CFAP206: variants seen among roughly 807,000 people sequenced by gnomAD.
The protein encoded by CFAP206 is cilia and flagella associated protein 206.
A neutral mutation model predicts 65.4 loss-of-function variants in CFAP206; 53 were observed. The ratio of observed to expected loss-of-function variants is 0.81; its 90% CI spans 0.65 to 1.02. CFAP206 has a LOEUF of 1.02. Ranked by LOEUF, CFAP206 falls within the 50% of genes least tolerant of loss-of-function variation. The pLI, the probability that CFAP206 is intolerant of heterozygous loss-of-function variation, is 0.00. For missense variants in CFAP206, 663 were observed against 753.2 expected, an observed-to-expected ratio of 0.88 and a Z score of 1.40; for synonymous variants, 250 against 254.4, an observed-to-expected ratio of 0.98 and a Z score of 0.17.
rs1768429566 is a variant in CFAP206 at position 87,445,647 on chromosome 6, A to T, written c.1494+10594A>T. On this transcript the variant is annotated intron_variant, in intron 11 of 12. Transcript: ENST00000369562. ...TTGATTCCATGTCTTTGCTATTGTG[A>T]ATAGTGCTGCAGTGAACATACACAT... Among the ~76,000 whole-genome samples, 4 of 152,320 alleles carry T rather than the reference A, an allele frequency of 2.6e-5. No homozygotes were observed. The South Asian group carries it at 8.3e-4, about 32-fold the overall frequency.
rs181078946 is a variant in CFAP206 at position 87,427,790 on chromosome 6, T to C, written c.961-836T>C. ...CTTAATATTGTTATATTTTATTAGA[T>C]GATCAGTCAGGAAAACAAACAAAAA... On this transcript the variant is annotated intron_variant, in intron 8 of 12. Coordinates refer to ENST00000369562, the MANE Select transcript of CFAP206 (RefSeq NM_001031743.3). Among the ~76,000 whole-genome samples the C allele has an allele frequency of 9.7e-3, 1,479 of 152,198 alleles. 33 individuals are homozygous for C. The highest frequency in any genetic ancestry group is 0.034 in the African/African-American group (1,430 of 41,524).
chr6:87,427,430 C>A (rs141938980), intron 8 of CFAP206, among the ~76,000 whole-genome samples: 1 of 152,172 alleles, frequency 6.6e-6, no homozygotes, highest in Non-Finnish European at 1.5e-5. Flanking sequence ...TGAGCCACTG[C>A]GCCCAGCCTA....
chr6:87,443,202 A>AT (rs1236174331), intron 11 of CFAP206, among the ~76,000 whole-genome samples: 1 of 152,042 alleles, frequency 6.6e-6, no homozygotes, highest in African/African-American at 2.4e-5. Flanking sequence ...AATAAGTTGC[A>AT]TTTTTCTAGG....
chr6:87,408,977 A>G (rs1767677665), intron 1 of CFAP206, among the ~76,000 whole-genome samples: 1 of 152,238 alleles, frequency 6.6e-6, no homozygotes, highest in Non-Finnish European at 1.5e-5. Context: ...CAGGAAAATC[A>G]GAAAACTCGA....
intron 12 of CFAP206, among the ~76,000 whole-genome samples, chr6:87,463,778 CTG>C (rs959198080): frequency 3.3e-5 from 5 of 151,952 alleles, no homozygotes; most frequent in Admixed American, 2.6e-4. Flanking sequence ...AATTTTGAAT[CTG>C]TATGTTTTTT....
intron 11 of CFAP206, among the ~76,000 whole-genome samples, chr6:87,458,935 T>G (rs1451737347): frequency 6.6e-6 from 1 of 152,158 alleles, no homozygotes; most frequent in Non-Finnish European, 1.5e-5. Context: ...GATAATTATG[T>G]ACACCTACTG....
Position 87,408,002 on chromosome 6 carries a change from T to TC in CFAP206, c.-93_-92insC. The TC allele has an allele frequency of 1.0e-6, 1 of 985,500 alleles. No individual in the cohort carries two copies. Among genetic ancestry groups the TC allele is most frequent in the Non-Finnish European group, 1.2e-6 (1 of 830,104 alleles). The allele number at this position is 985,500 out of a possible 1,614,324, so 61.0% of individuals were successfully genotyped here. On this transcript the variant is annotated 5_prime_UTR_variant, in exon 1 of 13. It introduces an in-frame stop codon into an upstream open reading frame of the 5' UTR. Coordinates refer to ENST00000369562, the MANE Select transcript of CFAP206 (RefSeq NM_001031743.3). ...ATCTCCATGGTTACGCGGCGGTGGC[T>TC]GCGAGCGCCCAACTGCTCCGACCGT...
rs574026331 is a variant in CFAP206, at chr6:87,463,716, T to C, written c.1639-304T>C. The stretch of plus-strand genomic sequence containing the variant: ...TCCAAGTTATATGAATCTCAAAGTA[T>C]AATAATGAAGGAATTAGATTATATT... On this transcript the variant is annotated intron_variant, in intron 12 of 12. Transcript: ENST00000369562. Among the ~76,000 whole-genome samples, 3 of 152,304 alleles carry C rather than the reference T, an allele frequency of 2.0e-5. No individual in the cohort carries two copies. The South Asian group carries it at 6.2e-4, about 32-fold the overall frequency.
rs547591345 is a variant in CFAP206 at position 87,451,644 on chromosome 6, A to C, written c.1495-9378A>C. On this transcript the variant is annotated intron_variant, in intron 11 of 12. Coordinates refer to ENST00000369562, the MANE Select transcript of CFAP206 (RefSeq NM_001031743.3). ...GACTCTTTCTGCTTGAGGAAAGGAG[A>C]GGGATAGTAAAAACGGCTTTATCTT... is the stretch of plus-strand genomic sequence containing the variant. 2.0e-5 allele frequency among the ~76,000 whole-genome samples: 3 copies of C among 147,534 alleles called. No homozygotes were observed. The East Asian group carries it at 6.1e-4, about 30-fold the overall frequency.
At chr6:87,458,988 C>G (rs978508664) in intron 11 of CFAP206, among the ~76,000 whole-genome samples, 1 of 151,936 alleles carries the variant, frequency 6.6e-6, no homozygotes, top group East Asian at 1.9e-4. Flanking sequence ...TTAAGTTTAC[C>G]AAGTCAGTAG....
rs56842848 is a variant in CFAP206, at chr6:87,457,149, C to CAAAA, written c.1495-3859_1495-3856dup. 5.2e-5 allele frequency among the ~76,000 whole-genome samples: 6 copies of CAAAA among 115,914 alleles called. 1 individual carries two copies. The highest frequency in any genetic ancestry group is 9.5e-5 in the African/African-American group (3 of 31,510). 76.0% of individuals were successfully genotyped at this position (115,914 alleles called of 152,430 possible). A position where few individuals can be genotyped will look rare whatever the true frequency, so the allele number is the denominator to read the frequency against. On this transcript the variant is annotated intron_variant, in intron 11 of 12. Coordinates refer to ENST00000369562, the MANE Select transcript of CFAP206 (RefSeq NM_001031743.3). The stretch of plus-strand genomic sequence containing the variant: ...TGGGCGACAGAGTGAGACAACCTCT[C>CAAAA]AAAAAAAAAAAAAAAAAGAAAAGAA...
chr6:87,447,341 T>C (rs960446570), intron 11 of CFAP206, among the ~76,000 whole-genome samples: 2 of 152,294 alleles, frequency 1.3e-5, no homozygotes, highest in East Asian at 3.9e-4. Flanking sequence ...ATGGCTCTTA[T>C]TATTTTGAGG....
At chr6:87,449,267 T>C (rs377547833) in intron 11 of CFAP206, among the ~76,000 whole-genome samples, 1 of 151,896 alleles carries the variant, frequency 6.6e-6, no homozygotes, top group Non-Finnish European at 1.5e-5. Flanking sequence ...AAACCCCGTC[T>C]CTACTAAAAA....
At chr6:87,438,027 T>A (rs1562248893) in intron 11 of CFAP206, among the ~76,000 whole-genome samples, 1 of 151,850 alleles carries the variant, frequency 6.6e-6, no homozygotes, top group Non-Finnish European at 1.5e-5. Flanking sequence ...ACAGATACTC[T>A]CTAAAAGGAA....
At chr6:87,454,845 A>C (rs1189701857) in intron 11 of CFAP206, among the ~76,000 whole-genome samples, 32 of 64,750 alleles carry the variant, frequency 4.9e-4, no homozygotes, top group Non-Finnish European at 1.0e-3. Context: ...ACTCTGTCTC[A>C]AAAAAAAAAA....
chr6:87,422,170 C>T (rs978367543), intron 7 of CFAP206, among the ~76,000 whole-genome samples: 31 of 152,026 alleles, frequency 2.0e-4, no homozygotes, highest in African/African-American at 5.3e-4. Flanking sequence ...CTAGATGGGC[C>T]GGGCGTGGTG....
At chr6:87,420,387 C>G (rs902568079) in intron 7 of CFAP206, among the ~76,000 whole-genome samples, 1 of 152,222 alleles carries the variant, frequency 6.6e-6, no homozygotes, top group Non-Finnish European at 1.5e-5. Context: ...CATGAATCCA[C>G]CAACTAAGTC....
intron 11 of CFAP206, chr6:87,444,835 A>C (rs1464110645): frequency 3.6e-6 from 2 of 553,826 alleles, no homozygotes; most frequent in African/African-American, 3.8e-5. Context: ...CAATTTACAG[A>C]CAAGGGGCAA....
chr6:87,444,788 G>T, intron 11 of CFAP206: 1 of 527,438 alleles, frequency 1.9e-6, no homozygotes, highest in South Asian at 1.5e-5. Context: ...GCCCTAGGTT[G>T]AACTTCTTTC....
Sources: allele counts gnomAD v4.1 joint callset (sites outside exome capture counted in the v4.1 genomes callset), GRCh38; gene constraint gnomAD v4.1.1; transcripts MANE v1.5; gene names NCBI Gene and HGNC (gene_info 2026-07-23, HGNC 2026-07-21).